ADGRA3: variants seen among roughly 807,000 people sequenced by gnomAD.
The protein encoded by ADGRA3 is G-protein coupled receptor 125.
ADGRA3 carries 56 observed loss-of-function variants against 119.8 expected under a neutral mutation model. The observed-to-expected ratio is 0.47, with a 90% CI of 0.38 to 0.58. The LOEUF (loss-of-function observed/expected upper bound fraction) is 0.58, where lower values mean the gene tolerates loss of function less well. ADGRA3 is among the 20% of genes least tolerant of loss of function. The pLI is 0.00. For synonymous variants in ADGRA3, 607 were observed against 623.8 expected, an observed-to-expected ratio of 0.97 and a Z score of 0.40; for missense variants, 1,516 against 1,649.0, an observed-to-expected ratio of 0.92 and a Z score of 1.40.
At chr4:22,463,016 G>T (rs1456303055) in intron 2 of ADGRA3, among the ~76,000 whole-genome samples, 1 of 152,154 alleles carries the variant, frequency 6.6e-6, no homozygotes, top group Non-Finnish European at 1.5e-5. Flanking sequence ...CCGCTTTATG[G>T]GACACCCTCA....
intron 14 of ADGRA3, among the ~76,000 whole-genome samples, chr4:22,405,074 C>A (rs1378961223): frequency 6.6e-6 from 1 of 152,082 alleles, no homozygotes; most frequent in African/African-American, 2.4e-5. Context: ...CTCCTCTAAT[C>A]ATCTTAGGGG....
chr4:22,487,780 T>C (rs757956557), intron 1 of ADGRA3, among the ~76,000 whole-genome samples: 6 of 152,310 alleles, frequency 3.9e-5, no homozygotes, highest in Non-Finnish European at 7.4e-5. Context: ...AAATTGAAGA[T>C]GCTTACTCAA....
At chr4:22,398,163 A>G in intron 16 of ADGRA3, 1 of 972,798 alleles carries the variant, frequency 1.0e-6, no homozygotes, top group Non-Finnish European at 1.2e-6. Context: ...TATCACACAG[A>G]TGAGAGGTAA....
At chr4:22,490,495 G>A (rs542654852) in intron 1 of ADGRA3, among the ~76,000 whole-genome samples, 4 of 151,940 alleles carry the variant, frequency 2.6e-5, no homozygotes, top group South Asian at 2.1e-4. Context: ...TCTTGATGTC[G>A]GACCTATTAC....
intron 1 of ADGRA3, among the ~76,000 whole-genome samples, chr4:22,505,154 T>A (rs1261564659): frequency 6.6e-6 from 1 of 152,050 alleles, no homozygotes; most frequent in Non-Finnish European, 1.5e-5. Flanking sequence ...TGGCTAGAAC[T>A]GCCATAAATA....
intron 9 of ADGRA3, 146 bp from the exon 10 acceptor site, chr4:22,435,612 C>T (rs1577347059): frequency 1.5e-6 from 1 of 688,490 alleles, no homozygotes; most frequent in East Asian, 3.2e-5. Flanking sequence ...AAATGCTTTA[C>T]AAACCCAAGA....
rs146569496 is a variant in ADGRA3 at position 22,388,059 on chromosome 4, G to C, written c.3612C>G (p.Asn1204Lys). ...VPTSVEGSVQ[N>K]GLPKSRLGNN... ...TGCCCAGCCGGCTTTTAGGTAAGCC[G>C]TTCTGCACGCTTCCTTCCACGCTCG... Residue 1204 changes from asparagine to lysine, a missense_variant, in exon 19 of 19, where the codon AAC (asparagine) becomes AAG (lysine). Coordinates refer to ENST00000334304, the MANE Select transcript of ADGRA3 (RefSeq NM_145290.4). 1.2e-6 allele frequency: 2 copies of C among 1,614,112 alleles called. No individual in the cohort carries two copies. The highest frequency in any genetic ancestry group is 1.1e-5 in the South Asian group (1 of 91,088).
intron 1 of ADGRA3, among the ~76,000 whole-genome samples, chr4:22,512,712 G>C (rs1183293004): frequency 6.6e-6 from 1 of 152,162 alleles, no homozygotes; most frequent in African/African-American, 2.4e-5. Flanking sequence ...AGAGACGCAA[G>C]CATGAATTCT....
At chr4:22,491,744 GTTC>G (rs776806164) in intron 1 of ADGRA3, among the ~76,000 whole-genome samples, 4 of 152,120 alleles carry the variant, frequency 2.6e-5, no homozygotes, top group Non-Finnish European at 5.9e-5. Context: ...ACCTCCACTT[GTTC>G]TTGTTGTATC....
intron 1 of ADGRA3, among the ~76,000 whole-genome samples, chr4:22,512,797 G>A (rs935689920): frequency 5.3e-5 from 8 of 152,242 alleles, no homozygotes; most frequent in African/African-American, 1.7e-4. Flanking sequence ...AACTATGAGC[G>A]AATAAATTTG....
intron 12 of ADGRA3, among the ~76,000 whole-genome samples, chr4:22,415,065 T>G (rs1340125699): frequency 6.6e-6 from 1 of 151,856 alleles, no homozygotes; most frequent in Non-Finnish European, 1.5e-5. Flanking sequence ...ACATTAGTCA[T>G]AATACACACT....
intron 1 of ADGRA3, among the ~76,000 whole-genome samples, chr4:22,486,010 A>C (rs1718420986): frequency 6.6e-6 from 1 of 152,122 alleles, no homozygotes; most frequent in Admixed American, 6.5e-5. Flanking sequence ...GCTGTTAAGA[A>C]AATCCATTTT....
chr4:22,512,010 C>T (rs1036620145), intron 1 of ADGRA3, among the ~76,000 whole-genome samples: 3 of 150,328 alleles, frequency 2.0e-5, no homozygotes, highest in Admixed American at 6.7e-5. Flanking sequence ...GATTCTCCTG[C>T]CTGCCTCAGT....
chr4:22,498,560 G>GT (rs1718930603), intron 1 of ADGRA3, among the ~76,000 whole-genome samples: 1 of 152,022 alleles, frequency 6.6e-6, no homozygotes, highest in South Asian at 2.1e-4. Context: ...GGAGGTTGTA[G>GT]TAAGCCGAGA....
intron 4 of ADGRA3, among the ~76,000 whole-genome samples, chr4:22,454,141 G>A (rs1034832951): frequency 3.3e-5 from 5 of 152,206 alleles, no homozygotes; most frequent in South Asian, 2.1e-4. Flanking sequence ...GATTACAGGC[G>A]TGAGCCACTG....
At chr4:22,448,102 C>T (rs941089016) in intron 4 of ADGRA3, among the ~76,000 whole-genome samples, 3 of 152,062 alleles carry the variant, frequency 2.0e-5, no homozygotes, top group Non-Finnish European at 2.9e-5. Context: ...AGTCTCGCAG[C>T]GTTTTGAATG....
chr4:22,421,793 T>C (rs1182270570), intron 11 of ADGRA3, among the ~76,000 whole-genome samples: 2 of 145,812 alleles, frequency 1.4e-5, no homozygotes, highest in African/African-American at 5.1e-5. Context: ...GGGAAGAGAA[T>C]TGCTTGAACT....
Position 22,401,520 on chromosome 4 carries a change from G to A in ADGRA3, c.2392C>T (p.Leu798Phe), listed in dbSNP as rs149451001. 989 of 1,608,148 alleles carry A rather than the reference G, an allele frequency of 6.1e-4. No individual in the cohort carries two copies. The highest frequency in any genetic ancestry group is 8.0e-4 in the Non-Finnish European group (940 of 1,176,054). The change falls in exon 16 of 19, where the codon CTT becomes TTT. Residue 798 changes from leucine to phenylalanine, a missense_variant. Physicochemically the swap from Leu to Phe is conservative, Grantham distance 22. This residue lies in a region of ADGRA3 where 1,088 missense variants were observed against 1,107.1 expected (regional missense o/e 0.98). Coordinates refer to ENST00000334304, the MANE Select transcript of ADGRA3 (RefSeq NM_145290.4). The stretch of plus-strand genomic sequence containing the variant: ...AAAATATGAAAGCACAAGTTCACAA[G>A]CATGTGCCAGCTCTTGAGGCTGATT... ...IRISLKSWHM[L>F]VNLCFHIFLT... is the part of the protein sequence containing the mutation.
intron 2 of ADGRA3, among the ~76,000 whole-genome samples, chr4:22,469,245 C>G (rs1717772869): frequency 6.6e-6 from 1 of 152,122 alleles, no homozygotes; most frequent in Admixed American, 6.6e-5. Context: ...TGGTTTTGCT[C>G]CATGGCACTT....
Sources: gnomAD v4.1 joint callset for allele counts (sites outside exome capture counted in the v4.1 genomes callset) on GRCh38, gnomAD v4.1.1 for gene constraint, gnomAD v4.1.1 regional missense constraint, MANE v1.5 for transcripts, NCBI Gene and HGNC (gene_info 2026-07-23, HGNC 2026-07-21) for gene names.